Variants in HLA-C observed in about 807,000 individuals in gnomAD.
The protein encoded by HLA-C is HLA class I histocompatibility antigen, C alpha chain.
In HLA-C, 15 loss-of-function variants were observed where a neutral mutation model predicts 36.9. The ratio of observed to expected loss-of-function variants is 0.41; its 90% confidence interval spans 0.27 to 0.63. HLA-C has a LOEUF of 0.63. HLA-C is among the 20% of genes least tolerant of loss of function. The pLI, the probability that HLA-C is intolerant of heterozygous loss-of-function variation, is 0.35. For missense variants in HLA-C, 272 were observed against 400.4 expected, an observed-to-expected ratio of 0.68 and a Z score of 2.74; for synonymous variants, 104 against 174.3, an observed-to-expected ratio of 0.60 and a Z score of 3.18.
exon 2 of HLA-C, chr6:31,271,704 C>T: frequency 6.6e-7 from 1 of 1,512,992 alleles, no homozygotes. Flanking sequence ...TACTCCGGCC[C>T]CTCCTGCTCC....
In HLA-C at chr6:31,271,166, C is replaced by T. The variant is rs41552817; in HGVS notation, c.526G>A (p.Ala176Thr). The T allele has an allele frequency of 6.5e-3, 6,461 of 995,926 alleles. 1,616 individuals are homozygous for T. In the East Asian group the frequency reaches 0.09, roughly 14 times the overall value. 61.7% of individuals were successfully genotyped at this position (995,926 alleles called of 1,614,324 possible). A position where few individuals can be genotyped will look rare whatever the true frequency, so the allele number is the denominator to read the frequency against. ...AGGTAGGCTCTCAGCTGCTCCGCCG[C>T]ACGGGCCGCCTCCAACTTGCGCTGG... The change falls in exon 3 of 8, where the codon GCG becomes ACG. Residue 176 changes from alanine (A) to threonine (T), a missense_variant. Around this residue, in one of 8 missense-constraint regions of HLA-C, gnomAD observed 49 missense variants for 93.9 expected, o/e 0.52. Coordinates refer to ENST00000376228, the Ensembl canonical transcript of HLA-C.
intron 2 of HLA-C, 91 bp downstream of exon 2, chr6:31,271,508 G>T: frequency 1.3e-6 from 1 of 784,730 alleles, no homozygotes; most frequent in Non-Finnish European, 1.7e-6. Flanking sequence ...ACCTTGGGGT[G>T]GATCTCAGAC....
chr6:31,270,456 G>C, exon 4 of HLA-C: 3 of 862,958 alleles, frequency 3.5e-6, no homozygotes, highest in Admixed American at 3.6e-5. Flanking sequence ...TCAGAGAGGG[G>C]GTGGTGGGTC....
rs192019825 is a variant in HLA-C, at chr6:31,269,182, C to A, written c.1097-9G>T. 4,455 of 1,464,162 alleles carry A rather than the reference C, an allele frequency of 3.0e-3. 56 individuals carry two copies. The Middle Eastern group carries it at 0.04, about 13-fold the overall frequency. The allele number at this position is 1,464,162 out of a possible 1,614,324, so 90.7% of individuals were successfully genotyped here. A position where few individuals can be genotyped will look rare whatever the true frequency, so the allele number is the denominator to read the frequency against. On this transcript the variant is annotated splice_polypyrimidine_tract_variant and intron_variant, in intron 7 of 7. Transcript: ENST00000376228. ...CAGGCAGCTGTCTCAGGCTACAGAA[C>A]ACAATAGTCATGAACAAATTCAGGT...
In HLA-C at chr6:31,271,994, C is replaced by A; in HGVS notation, c.73+5G>T. 1 of 1,076,648 alleles carries A rather than the reference C, an allele frequency of 9.3e-7. No homozygotes were observed. Among genetic ancestry groups the A allele is most frequent in the Non-Finnish European group, 1.2e-6 (1 of 802,888 alleles). The allele number at this position is 1,076,648 out of a possible 1,614,324, so 66.7% of individuals were successfully genotyped here. A position where few individuals can be genotyped will look rare whatever the true frequency, so the allele number is the denominator to read the frequency against. On this transcript the variant is annotated splice_donor_5th_base_variant and intron_variant, in intron 1 of 7. Coordinates refer to ENST00000376228, the Ensembl canonical transcript of HLA-C. ...AGGCCGCTTCCCTCCCAACCCCGCACTCACAGGCCCAGGTCTCGGTCAGGG... is the reference window on the plus strand; with the variant it reads ...AGGCCGCTTCCCTCCCAACCCCGCAATCACAGGCCCAGGTCTCGGTCAGGG...
chr6:31,271,447 AGGCGACTGG>A, intron 2 of HLA-C, 99 bp from the exon 3 acceptor site: 2 of 797,164 alleles, frequency 2.5e-6, no homozygotes, highest in Non-Finnish European at 3.3e-6. Flanking sequence ...AACCGGGTAA[AGGCGACTGG>A]GGCTCTCTCC....
exon 8 of HLA-C, chr6:31,269,085 C>T (rs1049724): frequency 0.04 from 33,681 of 843,616 alleles, 1,005 homozygotes; most frequent in African/African-American, 0.086. Flanking sequence ...GGTGCCTTTG[C>T]AGAAAGAGAT....
chr6:31,271,146 GGC>G lies in HLA-C; in HGVS notation c.544_545del (p.Ala182LeufsTer38). 1 of 1,066,312 alleles carries G rather than the reference GGC, an allele frequency of 9.4e-7. No homozygotes were observed. 66.1% of individuals were successfully genotyped at this position (1,066,312 alleles called of 1,614,324 possible). A position where few individuals can be genotyped will look rare whatever the true frequency, so the allele number is the denominator to read the frequency against. ...ACTCCACGCACGTGCCCTCCAGGTA[GGC>G]TCTCAGCTGCTCCGCCGCACGGGCC... On this transcript the variant is annotated frameshift_variant, in exon 3 of 8. Transcript: ENST00000376228. LOFTEE classifies it high-confidence loss of function.
intron 3 of HLA-C, among the ~76,000 whole-genome samples, 185 bp downstream of exon 3, chr6:31,270,888 C>T (rs1201094587): frequency 4.6e-5 from 3 of 65,794 alleles, no homozygotes; most frequent in Admixed American, 1.7e-4. Flanking sequence ...TCCTCAGAGA[C>T]TTCATCCCTT....
At chr6:31,268,910 G>GTA (rs1489162920) in exon 8 of HLA-C, 13,654 of 220,142 alleles carry the variant, frequency 0.062, 1,457 homozygotes, top group African/African-American at 0.091. Context: ...AGTGCACCAT[G>GTA]AATTTGAGAC....
In HLA-C at chr6:31,272,077, C is replaced by A. The variant is rs929281766; in HGVS notation, c.-6G>T. ...CGGGGCGCCATGACCCGCATCTCGG[C>A]CTCTGGGGAGAATGTGAGTCCGGGT... On this transcript the variant is annotated 5_prime_UTR_variant, in exon 1 of 8. Coordinates refer to ENST00000376228, the Ensembl canonical transcript of HLA-C. The A allele has an allele frequency of 7.9e-6, 8 of 1,006,770 alleles. 1 individual carries two copies. The African/African-American group carries it at 1.2e-4, about 15-fold the overall frequency. 62.4% of individuals were successfully genotyped at this position (1,006,770 alleles called of 1,614,324 possible). A position where few individuals can be genotyped will look rare whatever the true frequency, so the allele number is the denominator to read the frequency against.
rs1761112147 is a variant in HLA-C at position 31,269,252 on chromosome 6, C to T, written c.1097-79G>A. 5 of 929,168 alleles carry T rather than the reference C, an allele frequency of 5.4e-6. 1 individual carries two copies. The Admixed American group carries it at 1.1e-4, about 21-fold the overall frequency. The allele number at this position is 929,168 out of a possible 1,614,324, so 57.6% of individuals were successfully genotyped here. A position where few individuals can be genotyped will look rare whatever the true frequency, so the allele number is the denominator to read the frequency against. On this transcript the variant is annotated intron_variant, in intron 7 of 7. Coordinates refer to ENST00000376228, the Ensembl canonical transcript of HLA-C. ...CACTCTGAACGGCCCACCACACACT[C>T]GAAACGTCCCAATCAAAGAATCCCC...
At chr6:31,271,027 G>A (rs777966931) in intron 3 of HLA-C, 46 bp downstream of exon 3, 2 of 854,738 alleles carry the variant, frequency 2.3e-6, no homozygotes, top group Non-Finnish European at 3.0e-6. Context: ...AGGCCATCCC[G>A]GGAGATCTAT....
At chr6:31,271,442 G>C in intron 2 of HLA-C, 94 bp from the exon 3 acceptor site, 1 of 804,348 alleles carries the variant, frequency 1.2e-6, no homozygotes, top group South Asian at 2.0e-5. Context: ...AATGAAACCG[G>C]GTAAAGGCGA....
intron 1 of HLA-C, 23 bp from the exon 2 acceptor site, chr6:31,271,891 AC>A: frequency 8.2e-7 from 1 of 1,215,724 alleles, no homozygotes. Context: ...AGGGGCTGAG[AC>A]CCGCCCGACC....
In HLA-C at chr6:31,269,957, C is replaced by T; in HGVS notation, c.1015+9G>A. The T allele has an allele frequency of 1.2e-6, 1 of 834,740 alleles. No homozygotes were observed. Among genetic ancestry groups the T allele is most frequent in the Non-Finnish European group, 1.5e-6 (1 of 662,346 alleles). 51.7% of individuals were successfully genotyped at this position (834,740 alleles called of 1,614,324 possible). ...AAAACCCAGACCCCGCTCTTCACCCCTTCCCTACCTGAGCTCTTCCTCCTA... is the reference window on the plus strand; with the variant it reads ...AAAACCCAGACCCCGCTCTTCACCCTTTCCCTACCTGAGCTCTTCCTCCTA... On this transcript the variant is annotated intron_variant, in intron 5 of 7. Transcript: ENST00000376228.
At chr6:31,269,128 G>A in exon 8 of HLA-C, 4 of 1,449,642 alleles carry the variant, frequency 2.8e-6, no homozygotes, top group Non-Finnish European at 3.8e-6. Flanking sequence ...AAGGAGAGGT[G>A]TGAAGAAATC....
chr6:31,271,941 CG>C lies in HLA-C; in HGVS notation c.73+57del, dbSNP rs1169560480. On this transcript the variant is annotated intron_variant, in intron 1 of 7. Transcript: ENST00000376228. ...GGCTCCCCGGGTCCTGCGCCCTCGC[CG>C]GGAGGGCCCCTCGCTCCTCTCCGCA... The C allele has an allele frequency of 6.0e-5, 67 of 1,116,590 alleles. No homozygotes were observed. The East Asian group carries it at 1.1e-3, about 19-fold the overall frequency. The allele number at this position is 1,116,590 out of a possible 1,614,324, so 69.2% of individuals were successfully genotyped here. A position where few individuals can be genotyped will look rare whatever the true frequency, so the allele number is the denominator to read the frequency against.
At chr6:31,272,026 C>T (rs1206082893) in exon 1 of HLA-C, 1 of 1,039,446 alleles carries the variant, frequency 9.6e-7, no homozygotes, top group Non-Finnish European at 1.3e-6. Flanking sequence ...AGGGCCAGGC[C>T]TCCCGAGAGC....
Sources: gnomAD v4.1 joint callset for allele counts (sites outside exome capture counted in the v4.1 genomes callset) on GRCh38, gnomAD v4.1.1 for gene constraint, gnomAD v4.1.1 regional missense constraint, MANE v1.5 for transcripts, NCBI Gene and HGNC (gene_info 2026-07-23, HGNC 2026-07-21) for gene names.